The following SCAPER variants were observed in gnomAD, a reference collection of about 807,000 sequenced individuals.
SCAPER encodes the protein S-phase cyclin A associated protein in the ER.
Under a neutral mutation model 182.2 loss-of-function variants are expected in SCAPER, and 98 were observed. The observed-to-expected ratio is 0.54, with a 90% CI of 0.46 to 0.64. The LOEUF is 0.64. Among genes scored for constraint, SCAPER ranks in the 30% least tolerant of loss-of-function variants. The pLI is 0.00. For missense variants in SCAPER, 1,432 were observed against 1,690.0 expected, an observed-to-expected ratio of 0.85 and a Z score of 2.68; for synonymous variants, 605 against 564.6, an observed-to-expected ratio of 1.07 and a Z score of -1.01.
At chr15:76,498,691 G>A (rs1288112418) in intron 24 of SCAPER, 4 of 152,122 alleles carry the variant, frequency 2.6e-5, no homozygotes, top group Non-Finnish European at 4.4e-5. Context: ...ACAGTGCTTG[G>A]CACCAAGCAC....
chr15:76,789,223 A>G (rs1029474628), intron 8 of SCAPER, among the ~76,000 whole-genome samples: 1 of 152,070 alleles, frequency 6.6e-6, no homozygotes, highest in Admixed American at 6.5e-5. Flanking sequence ...TATCCTTTAA[A>G]TACATATAAT....
chr15:76,579,098 T>C (rs573769276), intron 22 of SCAPER, among the ~76,000 whole-genome samples: 6 of 110,308 alleles, frequency 5.4e-5, no homozygotes, highest in East Asian at 4.5e-4. Context: ...AACCCTGCCT[T>C]GACTAAAAAT....
At chr15:76,746,855 A>C (rs1049129343) in intron 15 of SCAPER, among the ~76,000 whole-genome samples, 2 of 152,258 alleles carry the variant, frequency 1.3e-5, no homozygotes, top group Non-Finnish European at 2.9e-5. Context: ...ATGCTGAAAG[A>C]AATTAAAGAA....
intron 26 of SCAPER, among the ~76,000 whole-genome samples, chr15:76,408,453 T>A (rs924459864): frequency 5.3e-5 from 8 of 152,146 alleles, no homozygotes; most frequent in Admixed American, 2.0e-4. Flanking sequence ...TTATAAACCA[T>A]GCTGTGCCAA....
At chr15:76,693,647 A>G (rs1567819430) in intron 20 of SCAPER, among the ~76,000 whole-genome samples, 2 of 152,214 alleles carry the variant, frequency 1.3e-5, no homozygotes, top group Non-Finnish European at 2.9e-5. Flanking sequence ...ATGATTAAAT[A>G]TAATGGAATA....
intron 15 of SCAPER, among the ~76,000 whole-genome samples, chr15:76,735,775 A>T (rs748236958): frequency 1.7e-4 from 26 of 152,160 alleles, no homozygotes; most frequent in Non-Finnish European, 2.8e-4. Flanking sequence ...CATTAGACAA[A>T]CTTGGTAGCA....
At chr15:76,566,967 A>T (rs138960829) in intron 23 of SCAPER, among the ~76,000 whole-genome samples, 98 of 152,232 alleles carry the variant, frequency 6.4e-4, no homozygotes, top group African/African-American at 2.2e-3. Flanking sequence ...GCACTGAAGA[A>T]GCCACCTATA....
chr15:76,489,917 T>A (rs1447859781), intron 24 of SCAPER, among the ~76,000 whole-genome samples: 2 of 152,182 alleles, frequency 1.3e-5, no homozygotes, highest in African/African-American at 4.8e-5. Context: ...GTGAATGGCT[T>A]TTTTCACTCA....
At chr15:76,623,454 T>G (rs2146125637) in intron 21 of SCAPER, among the ~76,000 whole-genome samples, 1 of 152,368 alleles carries the variant, frequency 6.6e-6, no homozygotes, top group South Asian at 2.1e-4. Flanking sequence ...AATTTATTTC[T>G]TCTGCATATG....
chr15:76,705,882 A>G (rs768821679), intron 18 of SCAPER, 21 bp downstream of exon 18: 30 of 1,499,550 alleles, frequency 2.0e-5, no homozygotes, highest in Non-Finnish European at 2.6e-5. Context: ...ATTTCAAATT[A>G]AAAATATATA....
At chr15:76,415,643 C>T (rs1004314611) in intron 26 of SCAPER, among the ~76,000 whole-genome samples, 4 of 151,974 alleles carry the variant, frequency 2.6e-5, no homozygotes, top group African/African-American at 4.8e-5. Flanking sequence ...ATAGCATTTA[C>T]GTAAATTTAA....
At chr15:76,517,221 T>C (rs145364572) in intron 23 of SCAPER, among the ~76,000 whole-genome samples, 2 of 152,218 alleles carry the variant, frequency 1.3e-5, no homozygotes, top group East Asian at 1.9e-4. Flanking sequence ...GATTTTACTA[T>C]ATATACATAC....
rs76864277 is a variant in SCAPER, at chr15:76,561,465, A to G, written c.2838+12693T>C. ...AGTATCTTTTGCACAGGTATGGACAAAAACTTAGGATTATAAAAATTTTTT... is the reference window on the plus strand; with the variant it reads ...AGTATCTTTTGCACAGGTATGGACAGAAACTTAGGATTATAAAAATTTTTT... On this transcript the variant is annotated intron_variant, in intron 23 of 31. Coordinates refer to ENST00000563290, the MANE Select transcript of SCAPER (RefSeq NM_020843.4). Among the ~76,000 whole-genome samples the G allele has an allele frequency of 8.2e-3, 1,244 of 152,232 alleles. 14 individuals carry two copies. The highest frequency in any genetic ancestry group is 0.028 in the African/African-American group (1,180 of 41,544).
intron 20 of SCAPER, among the ~76,000 whole-genome samples, chr15:76,680,147 T>G (rs1194066435): frequency 6.6e-6 from 1 of 152,078 alleles, no homozygotes; most frequent in East Asian, 1.9e-4. Flanking sequence ...GTCCTTAGTT[T>G]CGAGTAGCTT....
intron 25 of SCAPER, among the ~76,000 whole-genome samples, chr15:76,459,940 G>A (rs2142947711): frequency 6.6e-6 from 1 of 152,162 alleles, no homozygotes; most frequent in South Asian, 2.1e-4. Context: ...CCATTCCCCA[G>A]TGTATGTTCT....
chr15:76,472,601 G>A (rs1327746425), intron 24 of SCAPER, among the ~76,000 whole-genome samples: 4 of 152,070 alleles, frequency 2.6e-5, no homozygotes, highest in Admixed American at 2.0e-4. Context: ...CCTGACCTCA[G>A]GTGATCCACC....
At position 76,434,072 on chromosome 15, in the gene SCAPER, T is replaced by C; in HGVS notation, c.3311+6A>G. ...AACAAAGTTTTAAGAACTCTAGCAA[T>C]TTTACCTGATAAGGTCCTGAACTCG... On this transcript the variant is annotated splice_donor_region_variant and intron_variant, in intron 26 of 31. Transcript: ENST00000563290. 17 of 1,605,648 alleles carry C rather than the reference T, an allele frequency of 1.1e-5. No individual in the cohort carries two copies. Among genetic ancestry groups the C allele is most frequent in the Non-Finnish European group, 1.4e-5 (17 of 1,174,798 alleles).
At chr15:76,364,464 G>A (rs896280218) in intron 29 of SCAPER, among the ~76,000 whole-genome samples, 2 of 152,140 alleles carry the variant, frequency 1.3e-5, no homozygotes, top group African/African-American at 4.8e-5. Flanking sequence ...TGGAAATAAG[G>A]TGATGCTAAA....
intron 8 of SCAPER, among the ~76,000 whole-genome samples, chr15:76,780,891 T>C (rs1247527175): frequency 6.6e-6 from 1 of 152,044 alleles, no homozygotes; most frequent in African/African-American, 2.4e-5. Flanking sequence ...GTCACCAACA[T>C]CAAGGATCAA....
Sources: allele counts gnomAD v4.1 joint callset (sites outside exome capture counted in the v4.1 genomes callset), GRCh38; gene constraint gnomAD v4.1.1; transcripts MANE v1.5; gene names NCBI Gene and HGNC (gene_info 2026-07-23, HGNC 2026-07-21).